The following SPSB1 variants were observed in gnomAD, a reference collection of about 807,000 sequenced individuals.
SPSB1 encodes the protein SPRY domain-containing SOCS box protein 1.
SPSB1 carries 8 observed loss-of-function variants against 21.2 expected under a neutral mutation model. The ratio of observed to expected loss-of-function variants is 0.38; its 90% confidence interval spans 0.22 to 0.68. The LOEUF (loss-of-function observed/expected upper bound fraction) is 0.68, where lower values mean the gene tolerates loss of function less well. SPSB1 is among the 30% of genes least tolerant of loss of function. The pLI is 0.53. For missense variants in SPSB1, 242 were observed against 377.8 expected, an observed-to-expected ratio of 0.64 and a Z score of 2.98; for synonymous variants, 169 against 161.7, an observed-to-expected ratio of 1.05 and a Z score of -0.34.
intron 1 of SPSB1, among the ~76,000 whole-genome samples, chr1:9,338,304 G>C (rs1640036805): frequency 6.6e-6 from 1 of 152,218 alleles, no homozygotes; most frequent in South Asian, 2.1e-4. Flanking sequence ...CCCCTGCCCA[G>C]GGGAGACCCT....
intron 1 of SPSB1, among the ~76,000 whole-genome samples, chr1:9,340,547 G>A (rs1215234634): frequency 1.3e-5 from 2 of 152,318 alleles, no homozygotes; most frequent in African/African-American, 2.4e-5. Flanking sequence ...TAGTGTGTTC[G>A]GCAGAGAGGA....
At chr1:9,299,897 A>G (rs1333806731) in intron 1 of SPSB1, among the ~76,000 whole-genome samples, 1 of 150,516 alleles carries the variant, frequency 6.6e-6, no homozygotes, top group Admixed American at 6.6e-5. Context: ...TAGGAGGTCA[A>G]GACTTGCAGT....
Position 9,292,921 on chromosome 1 carries a change from C to A in SPSB1, c.-300C>A, listed in dbSNP as rs1460725569. On this transcript the variant is annotated 5_prime_UTR_variant, in exon 1 of 3. Coordinates refer to ENST00000328089, the MANE Select transcript of SPSB1 (RefSeq NM_025106.4). ...ACAGAAGTCGCGCTCGGGCAGCCTG[C>A]GCGCTCGCAGCAGGAACCAGGCTCC... is the stretch of plus-strand genomic sequence containing the variant. The A allele has an allele frequency of 6.1e-6, 6 of 975,714 alleles. No individual in the cohort carries two copies. The highest frequency in any genetic ancestry group is 7.3e-6 in the Non-Finnish European group (6 of 826,974). The allele number at this position is 975,714 out of a possible 1,614,324, so 60.4% of individuals were successfully genotyped here.
chr1:9,338,406 G>A (rs1186390357), intron 1 of SPSB1, among the ~76,000 whole-genome samples: 1 of 152,220 alleles, frequency 6.6e-6, no homozygotes, highest in Non-Finnish European at 1.5e-5. Context: ...TATCCTGGCT[G>A]CGCCTAAGGC....
chr1:9,336,999 G>A (rs1640015486), intron 1 of SPSB1, among the ~76,000 whole-genome samples: 1 of 152,134 alleles, frequency 6.6e-6, no homozygotes, highest in Admixed American at 6.5e-5. Flanking sequence ...TGGCATTCAA[G>A]GCCCTTGGCA....
rs187687254 is a variant in SPSB1, at chr1:9,321,054, G to A, written c.-150+27983G>A. Among the ~76,000 whole-genome samples the A allele has an allele frequency of 1.2e-3, 187 of 152,296 alleles. No individual in the cohort carries two copies. The highest frequency in any genetic ancestry group is 2.0e-3 in the Non-Finnish European group (138 of 68,028). On this transcript the variant is annotated intron_variant, in intron 1 of 2. Coordinates refer to ENST00000328089, the MANE Select transcript of SPSB1 (RefSeq NM_025106.4). The surrounding 1 kb of genome is among the most constrained non-coding windows in gnomAD (Gnocchi z 4.8). ...GGGATTCTGGCTGGAAAAGGCAGCC[G>A]TGTAATTACAGGTACTGGAAATAGT...
At chr1:9,299,773 C>G (rs1049164490) in intron 1 of SPSB1, among the ~76,000 whole-genome samples, 6 of 152,062 alleles carry the variant, frequency 3.9e-5, no homozygotes, top group African/African-American at 1.2e-4. Context: ...GCCACTGCGC[C>G]CGGGCCGACA....
rs1173940705 is a variant in SPSB1, at chr1:9,357,137, ATGGATGGATGGG to A, written c.694+587_694+598del. Among the ~76,000 whole-genome samples the A allele has an allele frequency of 9.2e-4, 83 of 90,212 alleles. 1 individual carries two copies. The highest frequency in any genetic ancestry group is 2.0e-3 in the African/African-American group (60 of 29,600). 59.2% of individuals were successfully genotyped at this position (90,212 alleles called of 152,430 possible). Reference sequence around the variant, plus strand: ...AGTGGATGGATGGATGGATGAGTGGATGGATGGATGGGTGGATGGATGGGTGGATGGATGGGT... The same window carrying A: ...AGTGGATGGATGGATGGATGAGTGGATGGATGGATGGGTGGATGGATGGGT... On this transcript the variant is annotated intron_variant, in intron 2 of 2. Transcript: ENST00000328089.
chr1:9,342,722 C>T (rs112664811), intron 1 of SPSB1, among the ~76,000 whole-genome samples: 27 of 152,330 alleles, frequency 1.8e-4, no homozygotes, highest in African/African-American at 4.6e-4. Context: ...AGGCACACAT[C>T]CCGGACTCCT....
chr1:9,342,765 G>A (rs1640111206), intron 1 of SPSB1, among the ~76,000 whole-genome samples: 1 of 152,204 alleles, frequency 6.6e-6, no homozygotes, highest in African/African-American at 2.4e-5. Context: ...TGCTGTCTCG[G>A]GGCAGCAAGG....
intron 1 of SPSB1, among the ~76,000 whole-genome samples, chr1:9,296,164 AATGGTTTC>A (rs1639221286): frequency 6.6e-6 from 1 of 152,180 alleles, no homozygotes; most frequent in South Asian, 2.1e-4. Context: ...AATAGCGGGA[AATGGTTTC>A]ATGGTTTCAC....
intron 1 of SPSB1, among the ~76,000 whole-genome samples, chr1:9,303,105 T>C (rs995590655): frequency 6.6e-6 from 1 of 152,130 alleles, no homozygotes; most frequent in Non-Finnish European, 1.5e-5. Context: ...GCTGTGGAGA[T>C]TGATCTGGAC....
chr1:9,308,054 G>T (rs1330475091), intron 1 of SPSB1, among the ~76,000 whole-genome samples: 3 of 152,184 alleles, frequency 2.0e-5, no homozygotes. Flanking sequence ...GCAATTTGGT[G>T]CCCCTTCCAA....
intron 2 of SPSB1, among the ~76,000 whole-genome samples, chr1:9,364,057 GA>G (rs1166050057): frequency 6.6e-6 from 1 of 152,248 alleles, no homozygotes; most frequent in African/African-American, 2.4e-5. Flanking sequence ...GGTAGTGACT[GA>G]ACTCCCTCTC....
rs372225362 is a variant in SPSB1 at position 9,345,934 on chromosome 1, AGCCCTGCTGGTGGTG to A, written c.-149-9804_-149-9790del. 4.2e-4 allele frequency among the ~76,000 whole-genome samples: 64 copies of A among 152,272 alleles called. No individual in the cohort carries two copies. The highest frequency in any genetic ancestry group is 3.4e-3 in the Middle Eastern group (1 of 294). Reference sequence around the variant, plus strand: ...TGGAGGGTGGTAACCACGTGTCACAAGCCCTGCTGGTGGTGGCCCCTTTGCCAGGGGCTCCATGGC... The same window carrying A: ...TGGAGGGTGGTAACCACGTGTCACAAGCCCCTTTGCCAGGGGCTCCATGGC... On this transcript the variant is annotated intron_variant, in intron 1 of 2. Coordinates refer to ENST00000328089, the MANE Select transcript of SPSB1 (RefSeq NM_025106.4). The surrounding 1 kb of genome is among the most constrained non-coding windows in gnomAD (Gnocchi z 4.8).
intron 1 of SPSB1, among the ~76,000 whole-genome samples, chr1:9,315,323 G>A (rs1217807943): frequency 1.3e-5 from 2 of 152,204 alleles, no homozygotes; most frequent in Non-Finnish European, 2.9e-5. Flanking sequence ...GCCCACCCAC[G>A]TTAGCTCTCC....
intron 1 of SPSB1, among the ~76,000 whole-genome samples, chr1:9,327,965 C>CA (rs1359921958): frequency 6.6e-6 from 1 of 152,228 alleles, no homozygotes; most frequent in Admixed American, 6.5e-5. Flanking sequence ...AGTTTCTCAC[C>CA]AAAGTGCAAG....
At position 9,345,997 on chromosome 1, in the gene SPSB1, C is replaced by T. The variant is rs984498723; in HGVS notation, c.-149-9746C>T. On this transcript the variant is annotated intron_variant, in intron 1 of 2. Coordinates refer to ENST00000328089, the MANE Select transcript of SPSB1 (RefSeq NM_025106.4). This position sits in a 1 kb window ranked among gnomAD's most constrained non-coding sequence, Gnocchi z 4.8. The stretch of plus-strand genomic sequence containing the variant: ...GGCCCAGCCAGCACGGAGCATGCCC[C>T]GAGCCCTTCCACCACCAAGAGTGTC... 6.6e-6 allele frequency among the ~76,000 whole-genome samples: 1 copy of T among 152,176 alleles called. No homozygotes were observed. Among genetic ancestry groups the T allele is most frequent in the Non-Finnish European group, 1.5e-5 (1 of 68,030 alleles).
intron 1 of SPSB1, among the ~76,000 whole-genome samples, chr1:9,325,528 C>T (rs965401291): frequency 3.9e-5 from 6 of 152,104 alleles, no homozygotes; most frequent in African/African-American, 1.4e-4. Context: ...GGCATTTCTG[C>T]AGAGCATGGT....
Sources: allele counts gnomAD v4.1 joint callset (sites outside exome capture counted in the v4.1 genomes callset), GRCh38; gene constraint gnomAD v4.1.1; non-coding constraint Gnocchi (gnomAD v3.1); transcripts MANE v1.5; gene names NCBI Gene and HGNC (gene_info 2026-07-23, HGNC 2026-07-21).